The following DENND1A variants were observed in gnomAD, a reference collection of about 807,000 sequenced individuals.
The protein encoded by DENND1A is DENN domain containing 1A.
DENND1A carries 51 observed loss-of-function variants against 113.7 expected under a neutral mutation model. The observed-to-expected ratio is 0.45, with a 90% CI of 0.36 to 0.57. DENND1A has a LOEUF of 0.57. Among genes scored for constraint, DENND1A ranks in the 20% least tolerant of loss-of-function variants. The pLI is 0.00. For synonymous variants in DENND1A, 565 were observed against 570.8 expected (o/e 0.99, Z 0.14); for missense variants, 1,258 against 1,395.9 (o/e 0.90, Z 1.57).
chr9:123,621,136 T>TC (rs1263961103), intron 10 of DENND1A, among the ~76,000 whole-genome samples: 4 of 152,018 alleles, frequency 2.6e-5, no homozygotes, highest in Admixed American at 1.3e-4. Flanking sequence ...ATTCTGTGTG[T>TC]TAAGTCTATA....
chr9:123,827,392 A>ATATATAT (rs1564348811), intron 2 of DENND1A, among the ~76,000 whole-genome samples: 5 of 140,788 alleles, frequency 3.6e-5, no homozygotes, highest in Admixed American at 1.4e-4. Context: ...ATGGATATAT[A>ATATATAT]ATATATATAT....
intron 5 of DENND1A, among the ~76,000 whole-genome samples, chr9:123,735,628 T>C (rs1483018085): frequency 6.6e-6 from 1 of 152,230 alleles, no homozygotes; most frequent in Non-Finnish European, 1.5e-5. Context: ...AGTGGTGAGA[T>C]GTTTCCTTTT....
At chr9:123,857,003 T>G (rs1471009614) in intron 2 of DENND1A, among the ~76,000 whole-genome samples, 1 of 152,024 alleles carries the variant, frequency 6.6e-6, no homozygotes, top group Non-Finnish European at 1.5e-5. Context: ...CACTTTTCAA[T>G]ATACACAGAT....
At chr9:123,483,397 C>A (rs896107207) in intron 13 of DENND1A, among the ~76,000 whole-genome samples, 6 of 150,350 alleles carry the variant, frequency 4.0e-5, no homozygotes, top group African/African-American at 1.5e-4. Flanking sequence ...TGCCAGATGA[C>A]CCCCACCATG....
At chr9:123,504,806 G>A (rs2052776921) in intron 13 of DENND1A, among the ~76,000 whole-genome samples, 1 of 152,190 alleles carries the variant, frequency 6.6e-6, no homozygotes, top group Non-Finnish European at 1.5e-5. Flanking sequence ...CAGGGGCATG[G>A]AGGTGACCAA....
intron 13 of DENND1A, among the ~76,000 whole-genome samples, chr9:123,482,234 A>C (rs1231730609): frequency 6.6e-6 from 1 of 152,122 alleles, no homozygotes; most frequent in Non-Finnish European, 1.5e-5. Context: ...AGTAGCTAGG[A>C]TTACAGGTGT....
intron 2 of DENND1A, among the ~76,000 whole-genome samples, chr9:123,796,828 C>CCAAT (rs1377034429): frequency 2.6e-5 from 4 of 151,852 alleles, no homozygotes; most frequent in Admixed American, 2.6e-4. Flanking sequence ...CTCTGTCATA[C>CCAAT]CAATGACTTC....
At chr9:123,474,651 G>T (rs977876567) in intron 13 of DENND1A, among the ~76,000 whole-genome samples, 1 of 152,198 alleles carries the variant, frequency 6.6e-6, no homozygotes, top group African/African-American at 2.4e-5. Flanking sequence ...TGGCTGTTAA[G>T]CTTAATAGCA....
intron 5 of DENND1A, among the ~76,000 whole-genome samples, chr9:123,708,753 G>A (rs2066393474): frequency 6.6e-6 from 1 of 151,942 alleles, no homozygotes; most frequent in African/African-American, 2.4e-5. Context: ...TTACATAATT[G>A]GGAATTTTTA....
At position 123,735,892 on chromosome 9, in the gene DENND1A, G is replaced by A. The variant is rs555643697; in HGVS notation, c.302+21811C>T. Among the ~76,000 whole-genome samples, 8 of 152,212 alleles carry A rather than the reference G, an allele frequency of 5.3e-5. 1 individual carries two copies. Among genetic ancestry groups the A allele is most frequent in the South Asian group, 4.2e-4 (2 of 4,812 alleles). On this transcript the variant is annotated intron_variant, in intron 5 of 23. Transcript: ENST00000394215. ...TGTACACCTGTAGTCCCAGCTACTCGGGAGGCTGTGGTGGGAGAATTGCTT... is the reference window on the plus strand; with the variant it reads ...TGTACACCTGTAGTCCCAGCTACTCAGGAGGCTGTGGTGGGAGAATTGCTT...
intron 8 of DENND1A, among the ~76,000 whole-genome samples, chr9:123,665,841 G>A (rs568139485): frequency 6.6e-6 from 1 of 152,136 alleles, no homozygotes; most frequent in African/African-American, 2.4e-5. Flanking sequence ...GCAAAATGTG[G>A]TCTACACCTA....
intron 3 of DENND1A, among the ~76,000 whole-genome samples, chr9:123,785,438 T>C (rs1831992849): frequency 6.6e-6 from 1 of 152,172 alleles, no homozygotes; most frequent in Admixed American, 6.5e-5. Context: ...CAAGGTGATA[T>C]ATTTTACTAG....
chr9:123,854,502 C>T (rs1397176889), intron 2 of DENND1A, among the ~76,000 whole-genome samples: 1 of 152,008 alleles, frequency 6.6e-6, no homozygotes, highest in Non-Finnish European at 1.5e-5. Flanking sequence ...TTGAGACCAG[C>T]CTGGCCAACA....
chr9:123,858,195 C>T (rs1042545521), intron 2 of DENND1A, among the ~76,000 whole-genome samples: 9 of 152,210 alleles, frequency 5.9e-5, no homozygotes, highest in East Asian at 3.9e-4. Context: ...GATGGTAGTA[C>T]GGTATCAATG....
intron 1 of DENND1A, among the ~76,000 whole-genome samples, chr9:123,883,180 G>A (rs1056781637): frequency 6.6e-6 from 1 of 152,108 alleles, no homozygotes; most frequent in African/African-American, 2.4e-5. Context: ...TCACCTAACT[G>A]TAATTCTCCA....
chr9:123,413,403 GT>G, intron 19 of DENND1A: 1 of 985,040 alleles, frequency 1.0e-6, no homozygotes, highest in South Asian at 4.7e-5. Context: ...CTCCCATTAT[GT>G]TTTTCTTGGA....
At chr9:123,653,505 T>C (rs2062770828) in intron 8 of DENND1A, among the ~76,000 whole-genome samples, 1 of 152,228 alleles carries the variant, frequency 6.6e-6, no homozygotes, top group Non-Finnish European at 1.5e-5. Context: ...CATCTATTAT[T>C]AAACATGTCA....
intron 19 of DENND1A, among the ~76,000 whole-genome samples, chr9:123,431,838 C>T (rs565569522): frequency 9.2e-5 from 14 of 152,252 alleles, no homozygotes; most frequent in African/African-American, 2.9e-4. Flanking sequence ...CTAGCACATA[C>T]GGGATGCTTA....
intron 1 of DENND1A, among the ~76,000 whole-genome samples, chr9:123,880,453 G>C (rs1022452114): frequency 1.3e-5 from 2 of 152,104 alleles, no homozygotes; most frequent in Non-Finnish European, 2.9e-5. Context: ...AAATCATGTA[G>C]CAGAAGAAAA....
Sources: gnomAD v4.1 joint callset for allele counts (sites outside exome capture counted in the v4.1 genomes callset) on GRCh38, gnomAD v4.1.1 for gene constraint, MANE v1.5 for transcripts, NCBI Gene and HGNC (gene_info 2026-07-23, HGNC 2026-07-21) for gene names.